DNAAF11: variants seen among roughly 807,000 people sequenced by gnomAD.
The protein encoded by DNAAF11 is dynein axonemal assembly factor 11.
Under a neutral mutation model 60.8 loss-of-function variants are expected in DNAAF11, and 45 were observed. That is an observed-to-expected ratio of 0.74 (90% CI 0.58 to 0.95). DNAAF11 has a LOEUF of 0.95. DNAAF11 is among the 40% of genes least tolerant of loss of function. DNAAF11 has a pLI of 0.00. For missense variants in DNAAF11, 546 were observed against 546.2 expected (o/e 1.00, Z 0.00); for synonymous variants, 191 against 183.5 (o/e 1.04, Z -0.33).
chr8:132,588,148 T>C (rs779872909), intron 10 of DNAAF11, among the ~76,000 whole-genome samples: 1 of 152,184 alleles, frequency 6.6e-6, no homozygotes, highest in Non-Finnish European at 1.5e-5. Flanking sequence ...CCATAAAAAA[T>C]AATTTCTTAT....
At chr8:132,641,491 T>C (rs1021052899) in intron 3 of DNAAF11, among the ~76,000 whole-genome samples, 15 of 151,886 alleles carry the variant, frequency 9.9e-5, no homozygotes, top group Admixed American at 3.3e-4. Context: ...TGGCGTGAGA[T>C]AGAAGGTCAA....
At chr8:132,672,471 A>G (rs1386774768) in intron 1 of DNAAF11, among the ~76,000 whole-genome samples, 1 of 152,092 alleles carries the variant, frequency 6.6e-6, no homozygotes, top group African/African-American at 2.4e-5. Flanking sequence ...ACTGTCTCTT[A>G]CTCCTAAGAG....
intron 10 of DNAAF11, among the ~76,000 whole-genome samples, chr8:132,603,227 T>C (rs1242483234): frequency 6.6e-6 from 1 of 152,180 alleles, no homozygotes; most frequent in African/African-American, 2.4e-5. Context: ...GTGACTTAGT[T>C]GGCCTTTAGC....
intron 10 of DNAAF11, among the ~76,000 whole-genome samples, chr8:132,597,972 A>G (rs1817197459): frequency 6.6e-6 from 1 of 152,236 alleles, no homozygotes; most frequent in Non-Finnish European, 1.5e-5. Context: ...AAGGTGAAGC[A>G]CTTTACTATA....
upstream of DNAAF11, chr8:132,675,557 T>C: frequency 1.3e-6 from 2 of 1,508,678 alleles, no homozygotes; most frequent in African/African-American, 1.4e-5. Context: ...CTTTTCACCC[T>C]TCACCCCTGC....
At chr8:132,669,211 C>T (rs546982392) in intron 1 of DNAAF11, among the ~76,000 whole-genome samples, 1 of 152,294 alleles carries the variant, frequency 6.6e-6, no homozygotes, top group South Asian at 2.1e-4. Context: ...ACCTAGATAT[C>T]GGCTTCCTGA....
At position 132,583,240 on chromosome 8, in the gene DNAAF11, C is replaced by G. The variant is rs539266237; in HGVS notation, c.1226+454G>C. 8.5e-5 allele frequency among the ~76,000 whole-genome samples: 13 copies of G among 152,240 alleles called. 1 individual carries two copies. Among genetic ancestry groups the G allele is most frequent in the Admixed American group, 8.5e-4 (13 of 15,286 alleles). ...TGACACACGGATCATAAAAGGGAGG[C>G]AGTGACAGCAACGGTACCAGCAAGG... On this transcript the variant is annotated intron_variant, in intron 11 of 11. Coordinates refer to ENST00000620350, the MANE Select transcript of DNAAF11 (RefSeq NM_012472.6).
At chr8:132,610,483 A>ATGCTCGTG (rs1445567856) in intron 9 of DNAAF11, among the ~76,000 whole-genome samples, 1 of 152,244 alleles carries the variant, frequency 6.6e-6, no homozygotes, top group Non-Finnish European at 1.5e-5. Context: ...AAACAGTGAC[A>ATGCTCGTG]TGCTCGTGGG....
At chr8:132,681,003 CTTTTT>C in the DNAAF11 span, among the ~76,000 whole-genome samples, 1,105 of 52,286 alleles carry the variant, frequency 0.021, 14 homozygotes, top group Non-Finnish European at 0.028. Context: ...ATAACTATTC[CTTTTT>C]TTTTTTTTTT....
At chr8:132,639,191 C>G (rs1044706565) in intron 3 of DNAAF11, among the ~76,000 whole-genome samples, 1 of 152,198 alleles carries the variant, frequency 6.6e-6, no homozygotes, top group Admixed American at 6.5e-5. Flanking sequence ...GTCTCATGAG[C>G]AGAAACCTTG....
chr8:132,607,893 T>C (rs538823974), intron 10 of DNAAF11, among the ~76,000 whole-genome samples: 19 of 152,278 alleles, frequency 1.2e-4, no homozygotes, highest in Middle Eastern at 6.8e-3. Context: ...TCTTACAGTA[T>C]GTTTCATAAC....
At position 132,670,737 on chromosome 8, in the gene DNAAF11, C is replaced by A. The variant is rs185488034; in HGVS notation, c.10+4747G>T. Among the ~76,000 whole-genome samples the A allele has an allele frequency of 3.1e-3, 468 of 152,168 alleles. 3 individuals carry two copies. Among genetic ancestry groups the A allele is most frequent in the Middle Eastern group, 0.017 (5 of 294 alleles). ...AAAAAATTTTGCAAATCAAATCCAACAACATAATAAAAAAATTATACATTA... is the reference window on the plus strand; with the variant it reads ...AAAAAATTTTGCAAATCAAATCCAAAAACATAATAAAAAAATTATACATTA... On this transcript the variant is annotated intron_variant, in intron 1 of 11. Coordinates refer to ENST00000620350, the MANE Select transcript of DNAAF11 (RefSeq NM_012472.6).
At chr8:132,673,072 G>A (rs1825342405) in intron 1 of DNAAF11, among the ~76,000 whole-genome samples, 1 of 152,168 alleles carries the variant, frequency 6.6e-6, no homozygotes, top group Admixed American at 6.6e-5. Flanking sequence ...GCACGGGGGA[G>A]AGAGAACATG....
the DNAAF11 span, among the ~76,000 whole-genome samples, chr8:132,684,101 A>G: frequency 6.6e-6 from 1 of 152,074 alleles, no homozygotes; most frequent in Non-Finnish European, 1.5e-5. Flanking sequence ...TTTAAGACCA[A>G]CTACAAAGTT....
At chr8:132,622,522 G>A in intron 7 of DNAAF11, 89 bp downstream of exon 7, 1 of 948,584 alleles carries the variant, frequency 1.1e-6, no homozygotes. Flanking sequence ...AATATTCTTT[G>A]CAGAGCAAAC....
chr8:132,660,319 T>C lies in DNAAF11; in HGVS notation c.178+1141A>G, dbSNP rs756154441. 2.6e-5 allele frequency among the ~76,000 whole-genome samples: 4 copies of C among 152,340 alleles called. No homozygotes were observed. In the South Asian group the frequency reaches 6.2e-4, roughly 24 times the overall value. Reference sequence around the variant, plus strand: ...GTATACATGTGCCGTGCTGGTCTTATGGTGAGCAAGCACTAAGCATATCAT... The same window carrying C: ...GTATACATGTGCCGTGCTGGTCTTACGGTGAGCAAGCACTAAGCATATCAT... On this transcript the variant is annotated intron_variant, in intron 2 of 11. Coordinates refer to ENST00000620350, the MANE Select transcript of DNAAF11 (RefSeq NM_012472.6).
At chr8:132,576,301 A>G (rs961700136) in intron 11 of DNAAF11, among the ~76,000 whole-genome samples, 1 of 152,192 alleles carries the variant, frequency 6.6e-6, no homozygotes, top group Admixed American at 6.5e-5. Context: ...TTCATTCAAT[A>G]AGTGTTTACT....
chr8:132,685,553 C>G, the DNAAF11 span, among the ~76,000 whole-genome samples: 7 of 152,194 alleles, frequency 4.6e-5, no homozygotes. Context: ...GTCAACCCTT[C>G]TCACGTTGGC....
At chr8:132,655,177 AG>A (rs1823421919) in intron 3 of DNAAF11, among the ~76,000 whole-genome samples, 1 of 152,096 alleles carries the variant, frequency 6.6e-6, no homozygotes, top group Non-Finnish European at 1.5e-5. Context: ...GATAAATTCT[AG>A]AAAGACATAA....
Sources: allele counts gnomAD v4.1 joint callset (sites outside exome capture counted in the v4.1 genomes callset), GRCh38; gene constraint gnomAD v4.1.1; transcripts MANE v1.5; gene names NCBI Gene and HGNC (gene_info 2026-07-23, HGNC 2026-07-21).